GABRB3: variants seen among roughly 807,000 people sequenced by gnomAD.
GABRB3 encodes gamma-aminobutyric acid type A receptor subunit beta3, also known as gamma-aminobutyric acid receptor subunit beta-3.
Under a neutral mutation model 52.1 loss-of-function variants are expected in GABRB3, and 14 were observed. That is an observed-to-expected ratio of 0.27 (90% CI 0.18 to 0.42). GABRB3 has a LOEUF of 0.42. Among genes scored for constraint, GABRB3 ranks in the 10% least tolerant of loss-of-function variants. The pLI, the probability that GABRB3 is intolerant of heterozygous loss-of-function variation, is 1.00. For missense variants in GABRB3, 307 were observed against 609.1 expected (o/e 0.50, Z 5.22); for synonymous variants, 260 against 232.3 (o/e 1.12, Z -1.08).
chr15:26,689,421 A>T (rs935659149), intron 3 of GABRB3, among the ~76,000 whole-genome samples: 3 of 152,312 alleles, frequency 2.0e-5, no homozygotes, highest in Middle Eastern at 3.4e-3. Context: ...AGACACTTCC[A>T]GGAAGGGGCA....
intron 3 of GABRB3, chr15:26,624,082 G>T: frequency 4.2e-6 from 2 of 471,472 alleles, no homozygotes; most frequent in Non-Finnish European, 2.8e-6. Flanking sequence ...GGCCTCCGAG[G>T]AGTGGACAGT....
chr15:26,739,321 G>A lies in GABRB3; in HGVS notation c.240+33081C>T, dbSNP rs75748194. On this transcript the variant is annotated intron_variant, in intron 3 of 8. Transcript: ENST00000311550. ...ACACCACTGTGTGCAGCTTATTCTC[G>A]TCTCTGCTTGTTTCAGAAGTGCCGA... Among the ~76,000 whole-genome samples the A allele has an allele frequency of 6.0e-3, 912 of 151,968 alleles. 5 individuals are homozygous for A. Among genetic ancestry groups the A allele is most frequent in the African/African-American group, 0.021 (870 of 41,464 alleles).
At chr15:26,609,335 G>C (rs1891975859) in intron 4 of GABRB3, among the ~76,000 whole-genome samples, 1 of 152,070 alleles carries the variant, frequency 6.6e-6, no homozygotes, top group East Asian at 1.9e-4. Context: ...GGAGGATGGG[G>C]GGAATGGGGC....
intron 3 of GABRB3, among the ~76,000 whole-genome samples, chr15:26,634,984 AAATATATATATATATATATATATAT>A (rs1359985924): frequency 0.012 from 88 of 7,184 alleles, 4 homozygotes; most frequent in South Asian, 0.069. Context: ...ATGTATCTCT[AAATATATATATATATATATATATAT>A]AATATATATA....
At chr15:26,644,587 A>T (rs184284293) in intron 3 of GABRB3, among the ~76,000 whole-genome samples, 102 of 152,344 alleles carry the variant, frequency 6.7e-4, no homozygotes, top group Middle Eastern at 3.4e-3. Flanking sequence ...TGGCACCTTG[A>T]TCTGGGGCTT....
intron 3 of GABRB3, among the ~76,000 whole-genome samples, chr15:26,653,777 G>C (rs1458026021): frequency 6.6e-6 from 1 of 152,170 alleles, no homozygotes; most frequent in Non-Finnish European, 1.5e-5. Flanking sequence ...TCAGAACTAT[G>C]CATGTAAAGT....
intron 3 of GABRB3, among the ~76,000 whole-genome samples, chr15:26,700,981 G>T (rs1888914514): frequency 6.6e-6 from 1 of 152,086 alleles, no homozygotes; most frequent in South Asian, 2.1e-4. Context: ...CGTGAACCTG[G>T]GAGGCGGAGT....
At chr15:26,643,532 C>T (rs1424086444) in intron 3 of GABRB3, among the ~76,000 whole-genome samples, 1 of 152,118 alleles carries the variant, frequency 6.6e-6, no homozygotes, top group Non-Finnish European at 1.5e-5. Flanking sequence ...GTCTCCCTCC[C>T]ATGACACAGA....
rs1889169693 is a variant in GABRB3, at chr15:26,544,896, C to G, written c.*2897G>C. 1 of 152,584 alleles carries G rather than the reference C, an allele frequency of 6.6e-6. No homozygotes were observed. The highest frequency in any genetic ancestry group is 2.1e-4 in the South Asian group (1 of 4,816). 9.5% of individuals were successfully genotyped at this position (152,584 alleles called of 1,614,324 possible). ...GTCTGGGTGTGGGTAACAGCCACCT[C>G]CCAACAACGTCAGAGGTCCGGGTTC... On this transcript the variant is annotated 3_prime_UTR_variant, in exon 9 of 9. Transcript: ENST00000311550.
chr15:26,709,321 G>A (rs1410311577), intron 3 of GABRB3, among the ~76,000 whole-genome samples: 1 of 151,996 alleles, frequency 6.6e-6, no homozygotes, highest in Admixed American at 6.6e-5. Context: ...GATCACAGGA[G>A]AGTTGTTAAA....
chr15:26,675,458 A>T (rs1888037724), intron 3 of GABRB3, among the ~76,000 whole-genome samples: 1 of 151,984 alleles, frequency 6.6e-6, no homozygotes, highest in Non-Finnish European at 1.5e-5. Flanking sequence ...CATGTGTGTG[A>T]GTGTGTGTGC....
intron 3 of GABRB3, among the ~76,000 whole-genome samples, chr15:26,681,379 C>T (rs1042154456): frequency 4.6e-5 from 7 of 152,124 alleles, no homozygotes; most frequent in Admixed American, 2.0e-4. Context: ...TCTGCCCCCC[C>T]GTATGGGAAA....
intron 3 of GABRB3, among the ~76,000 whole-genome samples, chr15:26,712,857 A>T (rs1047578533): frequency 6.6e-6 from 1 of 152,094 alleles, no homozygotes; most frequent in Non-Finnish European, 1.5e-5. Context: ...GGCTGAGGAG[A>T]TGTGCAGGGA....
At chr15:26,649,799 C>T (rs1185368105) in intron 3 of GABRB3, among the ~76,000 whole-genome samples, 12 of 151,594 alleles carry the variant, frequency 7.9e-5, no homozygotes, top group Non-Finnish European at 1.6e-4. Context: ...TGAAAATACA[C>T]TAAAATATGG....
chr15:26,595,829 C>A (rs1410374098), intron 4 of GABRB3, among the ~76,000 whole-genome samples: 1 of 152,164 alleles, frequency 6.6e-6, no homozygotes, highest in Non-Finnish European at 1.5e-5. Flanking sequence ...AGCATTCTTG[C>A]CTCTCCCTGA....
intron 3 of GABRB3, among the ~76,000 whole-genome samples, chr15:26,755,347 GA>G (rs1276265577): frequency 6.6e-6 from 1 of 152,028 alleles, no homozygotes; most frequent in Non-Finnish European, 1.5e-5. Context: ...CCTGACTTCT[GA>G]GAAACATTTT....
intron 3 of GABRB3, among the ~76,000 whole-genome samples, chr15:26,681,419 C>T (rs895439054): frequency 6.6e-6 from 1 of 152,146 alleles, no homozygotes; most frequent in African/African-American, 2.4e-5. Context: ...AGGTGCTACA[C>T]CTGACCATGA....
chr15:26,673,062 C>T (rs1461670107), intron 3 of GABRB3, among the ~76,000 whole-genome samples: 1 of 152,142 alleles, frequency 6.6e-6, no homozygotes, highest in African/African-American at 2.4e-5. Flanking sequence ...TACAAATTGA[C>T]CTCCTATCGT....
intron 3 of GABRB3, among the ~76,000 whole-genome samples, chr15:26,720,182 T>A (rs1177496553): frequency 1.3e-5 from 2 of 149,046 alleles, no homozygotes; most frequent in Non-Finnish European, 3.0e-5. Context: ...TTGACTGTAA[T>A]TTTCCTTTAC....
Sources: allele counts gnomAD v4.1 joint callset (sites outside exome capture counted in the v4.1 genomes callset), GRCh38; gene constraint gnomAD v4.1.1; transcripts MANE v1.5; gene names NCBI Gene and HGNC (gene_info 2026-07-23, HGNC 2026-07-21).